ZNF420: variants seen among roughly 807,000 people sequenced by gnomAD.
ZNF420 encodes the protein ATM and p53-associated KZNF protein.
In ZNF420, 31 loss-of-function variants were observed where a neutral mutation model predicts 44.7. The ratio of observed to expected loss-of-function variants is 0.69; its 90% CI spans 0.52 to 0.94. ZNF420 has a LOEUF of 0.94. ZNF420 is among the 40% of genes least tolerant of loss of function. The probability of loss-of-function intolerance (pLI) is 0.00; values close to 1 mark genes in which losing one functional copy is unlikely to be tolerated. For synonymous variants in ZNF420, 245 were observed against 267.4 expected (o/e 0.92, Z 0.82); for missense variants, 681 against 827.9 (o/e 0.82, Z 2.18).
intron 1 of ZNF420, among the ~76,000 whole-genome samples, chr19:37,045,376 G>A (rs1200269360): frequency 6.6e-6 from 1 of 152,150 alleles, no homozygotes; most frequent in Non-Finnish European, 1.5e-5. Flanking sequence ...TAAACGTTTT[G>A]TTATTTGTTT....
At chr19:37,112,079 C>T (rs1970411263) in intron 4 of ZNF420, among the ~76,000 whole-genome samples, 1 of 152,000 alleles carries the variant, frequency 6.6e-6, no homozygotes, top group African/African-American at 2.4e-5. Context: ...TTGGTAGCAG[C>T]CACTGATTTA....
At chr19:37,055,286 T>C (rs917545993) in intron 1 of ZNF420, among the ~76,000 whole-genome samples, 2 of 152,178 alleles carry the variant, frequency 1.3e-5, no homozygotes, top group Non-Finnish European at 2.9e-5. Flanking sequence ...TGTGGGAGGC[T>C]GAGGCAAAAA....
At chr19:37,044,681 C>A (rs1967513699) in intron 1 of ZNF420, among the ~76,000 whole-genome samples, 1 of 152,074 alleles carries the variant, frequency 6.6e-6, no homozygotes, top group African/African-American at 2.4e-5. Context: ...GCCTGGCCAA[C>A]ATGGTGAAAC....
chr19:37,081,063 A>G (rs1314134645), intron 2 of ZNF420, among the ~76,000 whole-genome samples: 2 of 151,596 alleles, frequency 1.3e-5, no homozygotes, highest in Admixed American at 6.6e-5. Context: ...TCTCAAAAAA[A>G]AAAAAAAAAA....
At chr19:37,013,442 C>T (rs1446417300) in intron 1 of ZNF420, among the ~76,000 whole-genome samples, 1 of 152,174 alleles carries the variant, frequency 6.6e-6, no homozygotes, top group African/African-American at 2.4e-5. Context: ...CGTGTCAAAG[C>T]TTTTGCCTGA....
chr19:37,115,840 T>C (rs950853013), intron 4 of ZNF420, among the ~76,000 whole-genome samples: 6 of 152,108 alleles, frequency 3.9e-5, no homozygotes, highest in African/African-American at 1.4e-4. Context: ...AATACCTGGC[T>C]TTCCTAGGCA....
chr19:37,116,362 C>G (rs1395440392), intron 4 of ZNF420, among the ~76,000 whole-genome samples: 1 of 131,820 alleles, frequency 7.6e-6, no homozygotes, highest in Non-Finnish European at 1.6e-5. Flanking sequence ...GAGCAGGACT[C>G]CACCTCAAAA....
intron 1 of ZNF420, among the ~76,000 whole-genome samples, chr19:37,030,959 C>A (rs915167801): frequency 6.6e-6 from 1 of 152,108 alleles, no homozygotes; most frequent in Non-Finnish European, 1.5e-5. Context: ...GTGGCATGAT[C>A]TTGGCTCACT....
At chr19:37,102,142 G>A (rs1278335951) in intron 4 of ZNF420, among the ~76,000 whole-genome samples, 1 of 152,084 alleles carries the variant, frequency 6.6e-6, no homozygotes, top group Non-Finnish European at 1.5e-5. Flanking sequence ...TGGGATGGCA[G>A]CTGATGAGCC....
intron 4 of ZNF420, among the ~76,000 whole-genome samples, chr19:37,098,853 G>A (rs1969604882): frequency 6.6e-6 from 1 of 152,050 alleles, no homozygotes; most frequent in Non-Finnish European, 1.5e-5. Context: ...CACCCCCTCA[G>A]CATCTGGTAA....
intron 4 of ZNF420, among the ~76,000 whole-genome samples, chr19:37,113,564 T>C (rs1220098557): frequency 1.3e-5 from 2 of 152,190 alleles, no homozygotes; most frequent in African/African-American, 2.4e-5. Flanking sequence ...TCATTGGTAA[T>C]TGACTTTTGA....
intron 4 of ZNF420, among the ~76,000 whole-genome samples, chr19:37,106,108 A>G (rs1970067036): frequency 6.7e-6 from 1 of 149,758 alleles, no homozygotes; most frequent in Non-Finnish European, 1.5e-5. Flanking sequence ...CTGTCTTGTA[A>G]TGCTTCCAGT....
At chr19:37,083,861 T>C (rs956238028) in intron 2 of ZNF420, among the ~76,000 whole-genome samples, 1 of 152,196 alleles carries the variant, frequency 6.6e-6, no homozygotes, top group Admixed American at 6.5e-5. Flanking sequence ...TCATTGCTTA[T>C]AGCCTTAACA....
intron 1 of ZNF420, among the ~76,000 whole-genome samples, chr19:37,024,452 G>T (rs913219004): frequency 8.1e-5 from 12 of 148,110 alleles, no homozygotes; most frequent in South Asian, 4.2e-4. Context: ...GGATTTTTTT[G>T]TTTGTTTGTT....
intron 2 of ZNF420, among the ~76,000 whole-genome samples, chr19:37,087,486 C>G (rs543249638): frequency 2.2e-4 from 34 of 152,100 alleles, no homozygotes; most frequent in African/African-American, 8.2e-4. Flanking sequence ...TTGCAGAAAT[C>G]TATATGTTGA....
chr19:37,074,312 A>T (rs1968110950), upstream of ZNF420, among the ~76,000 whole-genome samples: 1 of 152,216 alleles, frequency 6.6e-6, no homozygotes, highest in Non-Finnish European at 1.5e-5. Flanking sequence ...AATATGATGC[A>T]ATAGGAAGAA....
intron 1 of ZNF420, chr19:37,025,107 A>C: frequency 4.8e-5 from 14 of 289,292 alleles, no homozygotes; most frequent in Non-Finnish European, 7.5e-5. Context: ...CATACACACT[A>C]AAGGCCTTGT....
At chr19:37,045,663 A>G (rs1195588969) in intron 1 of ZNF420, among the ~76,000 whole-genome samples, 1 of 152,208 alleles carries the variant, frequency 6.6e-6, no homozygotes, top group African/African-American at 2.4e-5. Flanking sequence ...AGAAAAGATC[A>G]TTATAATGCT....
At chr19:37,044,730 G>A (rs1967514525) in intron 1 of ZNF420, among the ~76,000 whole-genome samples, 1 of 152,076 alleles carries the variant, frequency 6.6e-6, no homozygotes, top group Admixed American at 6.6e-5. Flanking sequence ...AGCCGGGCAT[G>A]GTGCTGCTTG....
Sources: gnomAD v4.1 joint callset for allele counts (sites outside exome capture counted in the v4.1 genomes callset) on GRCh38, gnomAD v4.1.1 for gene constraint, MANE v1.5 for transcripts, NCBI Gene and HGNC (gene_info 2026-07-23, HGNC 2026-07-21) for gene names.